SAMD4B: variants seen among roughly 807,000 people sequenced by gnomAD.
The protein encoded by SAMD4B is protein Smaug homolog 2.
In SAMD4B, 5 loss-of-function variants were observed where a neutral mutation model predicts 74.5. That is an observed-to-expected ratio of 0.07 (90% confidence interval 0.04 to 0.14). The LOEUF (loss-of-function observed/expected upper bound fraction) is 0.14, where lower values mean the gene tolerates loss of function less well. Among genes scored for constraint, SAMD4B ranks in the 10% least tolerant of loss-of-function variants. SAMD4B has a pLI of 1.00. For synonymous variants in SAMD4B, 373 were observed against 374.9 expected (o/e 1.00, Z 0.06); for missense variants, 608 against 921.8 (o/e 0.66, Z 4.41).
At chr19:39,380,169 C>A in intron 10 of SAMD4B, 85 bp downstream of exon 10, 1 of 1,012,702 alleles carries the variant, frequency 9.9e-7, no homozygotes, top group Non-Finnish European at 1.5e-6. Context: ...TGATTGTGTT[C>A]TGGGCTGAGA....
intron 3 of SAMD4B, chr19:39,369,446 T>G: frequency 1.7e-6 from 1 of 580,498 alleles, no homozygotes; most frequent in Non-Finnish European, 3.1e-6. Flanking sequence ...AGACCCCATC[T>G]CTTAAAAAAA....
chr19:39,346,618 C>T (rs987606467), intron 1 of SAMD4B, among the ~76,000 whole-genome samples: 6 of 152,286 alleles, frequency 3.9e-5, no homozygotes, highest in African/African-American at 1.4e-4. Flanking sequence ...CCTCATTTTG[C>T]ATATGATGAG....
In SAMD4B at chr19:39,375,717, G is replaced by C; in HGVS notation, c.735G>C (p.Gln245His). Residue 245 changes from glutamine (Q) to histidine (H), a missense_variant, in exon 5 of 14, where the codon CAG becomes CAC. Gln to His is a conservative substitution (Grantham distance 24). Coordinates refer to ENST00000610417, the MANE Select transcript of SAMD4B (RefSeq NM_001384574.2). The surrounding 1 kb of genome is among the most constrained non-coding windows in gnomAD (Gnocchi z 4.1). ...RSMSLIPTSP[Q>H]VPGEWPSPEE... ...TGTCACTCATCCCTACAAGCCCCCA[G>C]GTCCCTGGTGAGTGGCCGAGTCCAG... 1 of 1,614,134 alleles carries C rather than the reference G, an allele frequency of 6.2e-7. No homozygotes were observed. Among genetic ancestry groups the C allele is most frequent in the Non-Finnish European group, 8.5e-7 (1 of 1,179,988 alleles).
chr19:39,372,739 G>A (rs1236222214), intron 4 of SAMD4B, among the ~76,000 whole-genome samples: 1 of 152,134 alleles, frequency 6.6e-6, no homozygotes, highest in Non-Finnish European at 1.5e-5. Context: ...CTGCCTCTCA[G>A]CCTCTCCTGC....
intron 12 of SAMD4B, chr19:39,381,320 C>T: frequency 3.6e-6 from 2 of 551,298 alleles, no homozygotes; most frequent in Non-Finnish European, 6.2e-6. Flanking sequence ...TGCCCCCACC[C>T]CTCTGAGTCA....
At chr19:39,365,339 A>C (rs1322342423) in intron 3 of SAMD4B, among the ~76,000 whole-genome samples, 1 of 151,596 alleles carries the variant, frequency 6.6e-6, no homozygotes, top group Non-Finnish European at 1.5e-5. Flanking sequence ...GGATCACCTG[A>C]GTTTAGAAGC....
chr19:39,389,546 A>C, downstream of SAMD4B: 1 of 1,614,146 alleles, frequency 6.2e-7, no homozygotes, highest in Non-Finnish European at 8.5e-7. This position sits in a 1 kb window ranked among gnomAD's most constrained non-coding sequence, Gnocchi z 5.3. Context: ...ATCTAGAAGA[A>C]CTAGAGGAGA....
chr19:39,358,364 A>C (rs1323682212), intron 3 of SAMD4B, among the ~76,000 whole-genome samples: 1 of 152,188 alleles, frequency 6.6e-6, no homozygotes, highest in Non-Finnish European at 1.5e-5. Flanking sequence ...CCATATAACC[A>C]AGTAACTTAA....
At chr19:39,381,258 C>A in intron 12 of SAMD4B, 145 bp downstream of exon 12, 1 of 979,188 alleles carries the variant, frequency 1.0e-6, no homozygotes, top group Non-Finnish European at 1.5e-6. Context: ...CCATCTCCCC[C>A]AATTGTGGGG....
At chr19:39,361,689 C>T (rs1197844254) in intron 3 of SAMD4B, among the ~76,000 whole-genome samples, 7 of 151,440 alleles carry the variant, frequency 4.6e-5, no homozygotes, top group Admixed American at 1.3e-4. Flanking sequence ...TTTCGGAGGC[C>T]GAGGTGGGCG....
Position 39,383,396 on chromosome 19 carries a change from A to G in SAMD4B, c.2057-103A>G. ...CTGAGGGGTCCCCAGGGGAGGCCAG[A>G]CTCCAGGGAGGGCCTGACTGGGATG... On this transcript the variant is annotated intron_variant, in intron 13 of 13. Transcript: ENST00000610417. The surrounding 1 kb of genome is among the most constrained non-coding windows in gnomAD (Gnocchi z 4.1). 3.8e-6 allele frequency: 6 copies of G among 1,566,376 alleles called. No homozygotes were observed. The highest frequency in any genetic ancestry group is 1.1e-5 in the South Asian group (1 of 90,190).
downstream of SAMD4B, chr19:39,389,116 T>C: frequency 6.2e-7 from 1 of 1,614,064 alleles, no homozygotes; most frequent in East Asian, 2.2e-5. This position sits in a 1 kb window ranked among gnomAD's most constrained non-coding sequence, Gnocchi z 5.3. Context: ...TCCTCAAAAG[T>C]CTTCTCAATG....
At chr19:39,388,758 C>T, downstream of SAMD4B, 1 of 1,612,738 alleles carries the variant, frequency 6.2e-7, no homozygotes, top group Non-Finnish European at 8.5e-7. Context: ...GCAGGACCAC[C>T]TACCTAATCA....
chr19:39,384,832 TA>T lies in SAMD4B; in HGVS notation c.*1307del, dbSNP rs1455239369. 5.9e-5 allele frequency: 9 copies of T among 152,362 alleles called. No homozygotes were observed. Among genetic ancestry groups the T allele is most frequent in the African/African-American group, 2.2e-4 (9 of 41,330 alleles). The allele number at this position is 152,362 out of a possible 1,614,324, so 9.4% of individuals were successfully genotyped here. A position where few individuals can be genotyped will look rare whatever the true frequency, so the allele number is the denominator to read the frequency against. On this transcript the variant is annotated 3_prime_UTR_variant, in exon 14 of 14. Transcript: ENST00000610417. ...GTTATTTTTAGATACATTTTATGAA[TA>T]ACTTTTGTTATGAATATGGCTGGTA...
chr19:39,357,221 T>G (rs2076385155), intron 3 of SAMD4B, 132 bp downstream of exon 3: 1 of 683,796 alleles, frequency 1.5e-6, no homozygotes, highest in African/African-American at 1.8e-5. Flanking sequence ...GGGGAGTTCC[T>G]TACCTTCTAA....
chr19:39,388,686 G>A (rs767548014), downstream of SAMD4B: 3 of 1,613,390 alleles, frequency 1.9e-6, no homozygotes, highest in East Asian at 2.2e-5. Context: ...CCTGGTTGGG[G>A]GAAAAGGAGT....
intron 1 of SAMD4B, among the ~76,000 whole-genome samples, chr19:39,353,395 G>A (rs1007667064): frequency 6.6e-6 from 1 of 152,072 alleles, no homozygotes; most frequent in South Asian, 2.1e-4. Context: ...GTTTCTCCAA[G>A]ATAGTGTTAG....
Position 39,375,368 on chromosome 19 carries a change from C to T in SAMD4B, c.668-282C>T, listed in dbSNP as rs2077539407. On this transcript the variant is annotated intron_variant, in intron 4 of 13. Coordinates refer to ENST00000610417, the MANE Select transcript of SAMD4B (RefSeq NM_001384574.2). The surrounding 1 kb of genome is among the most constrained non-coding windows in gnomAD (Gnocchi z 4.1). ...AGGAGGCAAGAGTGAAGGCAGGAAA[C>T]CAATGAGGAGGCTGTGGCAGTAATT... Among the ~76,000 whole-genome samples the T allele has an allele frequency of 6.6e-6, 1 of 152,166 alleles. No individual in the cohort carries two copies. Among genetic ancestry groups the T allele is most frequent in the Admixed American group, 6.5e-5 (1 of 15,274 alleles).
intron 3 of SAMD4B, 135 bp downstream of exon 3, chr19:39,357,224 C>A (rs2076385315): frequency 1.5e-6 from 1 of 667,854 alleles, no homozygotes; most frequent in Non-Finnish European, 2.4e-6. Context: ...GAGTTCCTTA[C>A]CTTCTAAGTT....
Sources: gnomAD v4.1 joint callset for allele counts (sites outside exome capture counted in the v4.1 genomes callset) on GRCh38, gnomAD v4.1.1 for gene constraint, Gnocchi (gnomAD v3.1) non-coding constraint, MANE v1.5 for transcripts, NCBI Gene and HGNC (gene_info 2026-07-23, HGNC 2026-07-21) for gene names.